The following SLC22A24 variants were observed in gnomAD, a reference collection of about 807,000 sequenced individuals.
The protein encoded by SLC22A24 is steroid transmembrane transporter SLC22A24.
In SLC22A24, 53 loss-of-function variants were observed where a neutral mutation model predicts 49.8. The observed-to-expected ratio is 1.06, with a 90% confidence interval of 0.85 to 1.34. The LOEUF (loss-of-function observed/expected upper bound fraction) is 1.34. SLC22A24 is among the 40% of genes most tolerant of loss of function. The probability of loss-of-function intolerance (pLI) is 0.00; values close to 1 mark genes in which losing one functional copy is unlikely to be tolerated. For synonymous variants in SLC22A24, 302 were observed against 256.4 expected, an observed-to-expected ratio of 1.18 and a Z score of -1.70; for missense variants, 786 against 675.9, an observed-to-expected ratio of 1.16 and a Z score of -1.81.
intron 1 of SLC22A24, among the ~76,000 whole-genome samples, chr11:63,137,496 G>C (rs1462214008): frequency 6.6e-6 from 1 of 152,136 alleles, no homozygotes; most frequent in African/African-American, 2.4e-5. Context: ...GCCTTGCCCA[G>C]AGATCCCATT....
At chr11:63,111,594 A>G (rs1343130900) in intron 4 of SLC22A24, among the ~76,000 whole-genome samples, 1 of 151,786 alleles carries the variant, frequency 6.6e-6, no homozygotes, top group Non-Finnish European at 1.5e-5. Flanking sequence ...GTATGTGTCG[A>G]GGAATTTATC....
At chr11:63,140,214 T>G (rs2087406161) in intron 1 of SLC22A24, among the ~76,000 whole-genome samples, 1 of 151,824 alleles carries the variant, frequency 6.6e-6, no homozygotes, top group African/African-American at 2.4e-5. Context: ...CCTGAGTAGC[T>G]GGGACTACAG....
intron 2 of SLC22A24, among the ~76,000 whole-genome samples, chr11:63,122,848 A>G (rs2087261741): frequency 1.3e-5 from 2 of 152,128 alleles, no homozygotes; most frequent in African/African-American, 4.8e-5. Context: ...AACAAATAAT[A>G]GTTGTACATA....
At chr11:63,106,419 A>AG (rs568337889) in intron 4 of SLC22A24, among the ~76,000 whole-genome samples, 115 of 152,328 alleles carry the variant, frequency 7.5e-4, no homozygotes, top group African/African-American at 2.6e-3. Flanking sequence ...TTATAGCAGC[A>AG]TGATTTATAA....
At position 63,140,077 on chromosome 11, in the gene SLC22A24, T is replaced by G. The variant is rs566526999; in HGVS notation, c.402+3301A>C. ...AGAGACAGTTTTTTTGTTTTTTTGT[T>G]TTTTTTTTTTGTTTTTTTTTTTTGA... On this transcript the variant is annotated intron_variant, in intron 1 of 9. Transcript: ENST00000612278. Among the ~76,000 whole-genome samples the G allele has an allele frequency of 2.1e-3, 250 of 117,828 alleles. 2 individuals are homozygous for G. The highest frequency in any genetic ancestry group is 3.2e-3 in the Non-Finnish European group (184 of 58,240). The allele number at this position is 117,828 out of a possible 152,430, so 77.3% of individuals were successfully genotyped here. A position where few individuals can be genotyped will look rare whatever the true frequency, so the allele number is the denominator to read the frequency against.
chr11:63,104,320 G>T, intron 4 of SLC22A24, 22 bp from the exon 5 acceptor site: 1 of 1,534,522 alleles, frequency 6.5e-7, no homozygotes, highest in Non-Finnish European at 8.8e-7. Context: ...AGACAACATA[G>T]GTATAGTAAA....
intron 4 of SLC22A24, among the ~76,000 whole-genome samples, chr11:63,114,195 G>T (rs2087196037): frequency 6.6e-6 from 1 of 152,068 alleles, no homozygotes; most frequent in Non-Finnish European, 1.5e-5. Context: ...TCACTTTCAG[G>T]TACACCAATT....
At chr11:63,108,393 C>CT (rs2087136926) in intron 4 of SLC22A24, among the ~76,000 whole-genome samples, 1 of 151,908 alleles carries the variant, frequency 6.6e-6, no homozygotes, top group Non-Finnish European at 1.5e-5. Flanking sequence ...GTCTAAAATT[C>CT]TTTTTTTGTT....
intron 6 of SLC22A24, among the ~76,000 whole-genome samples, chr11:63,087,752 C>T (rs557977371): frequency 2.6e-4 from 40 of 152,188 alleles, no homozygotes; most frequent in African/African-American, 7.7e-4. Flanking sequence ...GAGGGGTGTG[C>T]GCCATTCCTG....
chr11:63,108,453 A>T (rs1241922528), intron 4 of SLC22A24, among the ~76,000 whole-genome samples: 1 of 152,114 alleles, frequency 6.6e-6, no homozygotes, highest in African/African-American at 2.4e-5. Flanking sequence ...ACATGAAATG[A>T]GTTAGGGAGG....
intron 4 of SLC22A24, among the ~76,000 whole-genome samples, chr11:63,113,115 C>CAT (rs1331053403): frequency 3.2e-4 from 1 of 3,078 alleles, no homozygotes; most frequent in African/African-American, 4.5e-4. Context: ...TATATATACA[C>CAT]ATATATATAT....
At chr11:63,091,739 G>A (rs576767884) in intron 6 of SLC22A24, among the ~76,000 whole-genome samples, 1 of 152,194 alleles carries the variant, frequency 6.6e-6, no homozygotes, top group South Asian at 2.1e-4. Context: ...AATAAACTAG[G>A]TATTGATGGA....
At chr11:63,126,119 C>T (rs1012927466) in intron 2 of SLC22A24, among the ~76,000 whole-genome samples, 1 of 152,056 alleles carries the variant, frequency 6.6e-6, no homozygotes, top group Non-Finnish European at 1.5e-5. Context: ...TTCCTGTTCA[C>T]TCTAATGGTA....
At chr11:63,106,558 GT>G (rs2087123102) in intron 4 of SLC22A24, among the ~76,000 whole-genome samples, 2 of 152,134 alleles carry the variant, frequency 1.3e-5, no homozygotes, top group Admixed American at 1.3e-4. Flanking sequence ...GTGTAAAAGT[GT>G]TCCTATTTCT....
chr11:63,127,459 A>C (rs1304556958), intron 2 of SLC22A24, among the ~76,000 whole-genome samples: 2 of 152,176 alleles, frequency 1.3e-5, no homozygotes, highest in East Asian at 3.9e-4. Flanking sequence ...GTGTCTTTAG[A>C]GTAGCATGAT....
chr11:63,096,147 A>AG (rs2087053660), intron 5 of SLC22A24, 41 bp from the exon 6 acceptor site: 1 of 1,297,210 alleles, frequency 7.7e-7, no homozygotes, highest in Non-Finnish European at 1.1e-6. Context: ...GTGAGATGTC[A>AG]ATAATGTGTC....
At chr11:63,111,817 T>G (rs964197109) in intron 4 of SLC22A24, among the ~76,000 whole-genome samples, 2 of 152,168 alleles carry the variant, frequency 1.3e-5, no homozygotes, top group African/African-American at 4.8e-5. Context: ...GATTCATTAA[T>G]TTTTTGAAGG....
intron 1 of SLC22A24, among the ~76,000 whole-genome samples, chr11:63,138,844 TC>T (rs367895314): frequency 0.021 from 3,115 of 151,508 alleles, 104 homozygotes; most frequent in African/African-American, 0.072. Flanking sequence ...TAAGGTTTTT[TC>T]CCCCCCATGG....
At chr11:63,086,673 A>T (rs1297998342) in intron 6 of SLC22A24, among the ~76,000 whole-genome samples, 1 of 152,242 alleles carries the variant, frequency 6.6e-6, no homozygotes, top group Non-Finnish European at 1.5e-5. Context: ...TTTGGAAACT[A>T]AGCACAACAT....
Sources: allele counts gnomAD v4.1 joint callset (sites outside exome capture counted in the v4.1 genomes callset), GRCh38; gene constraint gnomAD v4.1.1; transcripts MANE v1.5; gene names NCBI Gene and HGNC (gene_info 2026-07-23, HGNC 2026-07-21).